ALG6: variants seen among roughly 807,000 people sequenced by gnomAD.
ALG6 encodes the protein ALG6 alpha-1,3-glucosyltransferase, also known as dolichyl pyrophosphate Man9GlcNAc2 alpha-1,3-glucosyltransferase.
Under a neutral mutation model 66.6 loss-of-function variants are expected in ALG6, and 46 were observed. That is an observed-to-expected ratio of 0.69 (90% confidence interval 0.55 to 0.88). The LOEUF is 0.88. Among genes scored for constraint, ALG6 ranks in the 40% least tolerant of loss-of-function variants. The pLI is 0.00. For missense variants in ALG6, 505 were observed against 586.8 expected (o/e 0.86, Z 1.44); for synonymous variants, 185 against 203.7 (o/e 0.91, Z 0.78).
chr1:63,394,870 CTTTT>C (rs754695008), intron 2 of ALG6, among the ~76,000 whole-genome samples: 1 of 139,518 alleles, frequency 7.2e-6, no homozygotes, highest in Admixed American at 7.1e-5. Context: ...TATTTCTTTT[CTTTT>C]TTTTTTTTTT....
At chr1:63,423,604 T>C (rs1644599516) in intron 12 of ALG6, among the ~76,000 whole-genome samples, 1 of 152,244 alleles carries the variant, frequency 6.6e-6, no homozygotes, top group Admixed American at 6.5e-5. Flanking sequence ...AATGGAATCA[T>C]ATTATATGTG....
At chr1:63,410,530 C>T (rs1442660842) in intron 7 of ALG6, among the ~76,000 whole-genome samples, 2 of 152,136 alleles carry the variant, frequency 1.3e-5, no homozygotes, top group East Asian at 1.9e-4. Flanking sequence ...GTTGGGTTTA[C>T]AGGTGTGAGC....
rs1314181205 is a variant in ALG6, at chr1:63,437,272, G to A, written c.*252G>A. ...TTTTATTATTCACAGCTATTCAAGT[G>A]GGGAAAAAAGAGAAACATGTCCTTA... On this transcript the variant is annotated 3_prime_UTR_variant, in exon 15 of 15. Coordinates refer to ENST00000263440, the MANE Select transcript of ALG6 (RefSeq NM_013339.4). 2.5e-6 allele frequency: 1 copy of A among 405,680 alleles called. No individual in the cohort carries two copies. Among genetic ancestry groups the A allele is most frequent in the Non-Finnish European group, 4.6e-6 (1 of 219,054 alleles). The allele number at this position is 405,680 out of a possible 1,614,324, so 25.1% of individuals were successfully genotyped here. A position where few individuals can be genotyped will look rare whatever the true frequency, so the allele number is the denominator to read the frequency against.
chr1:63,378,839 G>C (rs2179812), intron 2 of ALG6, among the ~76,000 whole-genome samples: 33,145 of 147,024 alleles, frequency 0.23, 3,988 homozygotes, highest in Middle Eastern at 0.32. Flanking sequence ...CTGTTCATTA[G>C]TTTTTAGCTG....
At chr1:63,427,304 C>T (rs765323963) in intron 12 of ALG6, among the ~76,000 whole-genome samples, 3 of 151,906 alleles carry the variant, frequency 2.0e-5, no homozygotes, top group East Asian at 3.9e-4. Flanking sequence ...TGAGCCACTG[C>T]GCCCGGCCTA....
intron 2 of ALG6, among the ~76,000 whole-genome samples, chr1:63,385,184 CTTTTTTTTTTTTTTTTTTTTTTT>C (rs1165046824): frequency 3.4e-5 from 2 of 58,954 alleles, no homozygotes; most frequent in African/African-American, 1.3e-4. Context: ...TTTACTTCTT[CTTTTTTTTTTTTTTTTTTTTTTT>C]TTTTTTTTTT....
At position 63,391,911 on chromosome 1, in the gene ALG6, G is replaced by A. The variant is rs188477511; in HGVS notation, c.83-4602G>A. Among the ~76,000 whole-genome samples the A allele has an allele frequency of 4.0e-4, 61 of 152,232 alleles. 1 individual carries two copies. The highest frequency in any genetic ancestry group is 1.3e-3 in the African/African-American group (55 of 41,548). ...TTGATTTTAGTATTGATTGTTTACCGTTTCTTGTAGAGATTCACAGTTCCT... is the reference window on the plus strand; with the variant it reads ...TTGATTTTAGTATTGATTGTTTACCATTTCTTGTAGAGATTCACAGTTCCT... On this transcript the variant is annotated intron_variant, in intron 2 of 14. Transcript: ENST00000263440.
At chr1:63,430,858 G>A (rs1205156057) in intron 14 of ALG6, among the ~76,000 whole-genome samples, 1 of 151,948 alleles carries the variant, frequency 6.6e-6, no homozygotes, top group Non-Finnish European at 1.5e-5. Flanking sequence ...CTTTCTTGAT[G>A]GTATCATTTG....
intron 2 of ALG6, among the ~76,000 whole-genome samples, chr1:63,373,917 C>A (rs1016451259): frequency 2.0e-5 from 3 of 152,010 alleles, no homozygotes; most frequent in Admixed American, 1.3e-4. Context: ...CCACTGCGCC[C>A]AATTTTTTCA....
chr1:63,417,322 G>A (rs1316430361), intron 11 of ALG6, among the ~76,000 whole-genome samples: 2 of 152,190 alleles, frequency 1.3e-5, no homozygotes, highest in African/African-American at 4.8e-5. Context: ...AACTTTAGCA[G>A]TGTTAGAGAT....
chr1:63,385,184 CTTTTTTTTTTTTTTTTTTT>C (rs1165046824), intron 2 of ALG6, among the ~76,000 whole-genome samples: 6 of 58,954 alleles, frequency 1.0e-4, no homozygotes, highest in African/African-American at 1.3e-4. Context: ...TTTACTTCTT[CTTTTTTTTTTTTTTTTTTT>C]TTTTTTTTTT....
intron 2 of ALG6, among the ~76,000 whole-genome samples, chr1:63,372,509 A>G (rs896074408): frequency 6.9e-6 from 1 of 145,202 alleles, no homozygotes; most frequent in African/African-American, 2.5e-5. Flanking sequence ...TATTTTATGC[A>G]TACCTATATA....
At chr1:63,432,644 A>G (rs1185895444) in intron 14 of ALG6, among the ~76,000 whole-genome samples, 3 of 152,226 alleles carry the variant, frequency 2.0e-5, no homozygotes, top group Non-Finnish European at 4.4e-5. Flanking sequence ...TTGTTGAATG[A>G]ATGAATATTC....
At chr1:63,393,231 C>A (rs1648723514) in intron 2 of ALG6, among the ~76,000 whole-genome samples, 1 of 152,180 alleles carries the variant, frequency 6.6e-6, no homozygotes, top group South Asian at 2.1e-4. Flanking sequence ...TCCCGCCACC[C>A]AGCCAAAGAA....
intron 2 of ALG6, among the ~76,000 whole-genome samples, chr1:63,381,664 AGGG>A (rs2100389687): frequency 7.1e-6 from 1 of 141,638 alleles, no homozygotes; most frequent in Admixed American, 7.0e-5. Flanking sequence ...AAAAGAAGGA[AGGG>A]AGGGGAGGGG....
intron 5 of ALG6, among the ~76,000 whole-genome samples, chr1:63,404,966 A>G (rs1644483095): frequency 6.6e-6 from 1 of 152,108 alleles, no homozygotes; most frequent in Admixed American, 6.5e-5. Flanking sequence ...CATCTTATAC[A>G]TTGTATTGTT....
intron 2 of ALG6, among the ~76,000 whole-genome samples, chr1:63,384,404 A>G (rs1286579132): frequency 6.6e-6 from 1 of 152,178 alleles, no homozygotes; most frequent in African/African-American, 2.4e-5. Context: ...ATCCCTTGTC[A>G]GATGGGTAGT....
In ALG6 at chr1:63,393,953, C is replaced by T. The variant is rs1417528676; in HGVS notation, c.83-2560C>T. Among the ~76,000 whole-genome samples the T allele has an allele frequency of 2.6e-5, 4 of 152,278 alleles. No homozygotes were observed. In the East Asian group the frequency reaches 7.7e-4, roughly 29 times the overall value. Reference sequence around the variant, plus strand: ...AGAGAGACAGAGACCCACACACATGCGTGTATACTATGGTTAATTTCTTGT... The same window carrying T: ...AGAGAGACAGAGACCCACACACATGTGTGTATACTATGGTTAATTTCTTGT... On this transcript the variant is annotated intron_variant, in intron 2 of 14. Transcript: ENST00000263440.
chr1:63,406,943 A>G, intron 6 of ALG6, 119 bp from the exon 7 acceptor site: 1 of 733,628 alleles, frequency 1.4e-6, no homozygotes, highest in Non-Finnish European at 2.4e-6. Flanking sequence ...ATGAAAAGAA[A>G]GTGTGACACC....
Sources: allele counts gnomAD v4.1 joint callset (sites outside exome capture counted in the v4.1 genomes callset), GRCh38; gene constraint gnomAD v4.1.1; transcripts MANE v1.5; gene names NCBI Gene and HGNC (gene_info 2026-07-23, HGNC 2026-07-21).